SLC35F3: variants seen among roughly 807,000 people sequenced by gnomAD.
The protein encoded by SLC35F3 is solute carrier family 35 member F3, also known as putative thiamine transporter SLC35F3.
In SLC35F3, 25 loss-of-function variants were observed where a neutral mutation model predicts 49.9. The ratio of observed to expected loss-of-function variants is 0.50; its 90% confidence interval spans 0.37 to 0.70. The LOEUF (loss-of-function observed/expected upper bound fraction) is 0.70. Among genes scored for constraint, SLC35F3 ranks in the 30% least tolerant of loss-of-function variants. The pLI, the probability that SLC35F3 is intolerant of heterozygous loss-of-function variation, is 0.00. For missense variants in SLC35F3, 525 were observed against 639.8 expected, an observed-to-expected ratio of 0.82 and a Z score of 1.94; for synonymous variants, 275 against 265.4, an observed-to-expected ratio of 1.04 and a Z score of -0.35.
At chr1:234,098,184 CTG>C (rs1175565716) in intron 2 of SLC35F3, among the ~76,000 whole-genome samples, 12 of 128,760 alleles carry the variant, frequency 9.3e-5, no homozygotes, top group East Asian at 4.8e-4. Context: ...GAGGTGGTGA[CTG>C]TGTTGGTGGT....
intron 2 of SLC35F3, among the ~76,000 whole-genome samples, chr1:234,052,611 T>C (rs1173687612): frequency 6.6e-6 from 1 of 152,186 alleles, no homozygotes; most frequent in African/African-American, 2.4e-5. Context: ...TTGATTTTTT[T>C]GAAGGTTTTT....
At chr1:234,250,328 G>A (rs1667715144) in intron 3 of SLC35F3, among the ~76,000 whole-genome samples, 1 of 152,182 alleles carries the variant, frequency 6.6e-6, no homozygotes, top group African/African-American at 2.4e-5. Context: ...TTGCTATAAA[G>A]GAATACCTGA....
At chr1:234,252,125 G>A (rs1277760648) in intron 3 of SLC35F3, among the ~76,000 whole-genome samples, 1 of 151,788 alleles carries the variant, frequency 6.6e-6, no homozygotes, top group African/African-American at 2.4e-5. Context: ...GCTGGAGTGC[G>A]ATGGCATGAT....
chr1:234,024,850 C>T (rs1663953929), intron 2 of SLC35F3, among the ~76,000 whole-genome samples: 1 of 152,166 alleles, frequency 6.6e-6, no homozygotes, highest in Non-Finnish European at 1.5e-5. Flanking sequence ...TTTGGGGTTA[C>T]ATGTGCAGGT....
intron 3 of SLC35F3, among the ~76,000 whole-genome samples, chr1:234,282,574 C>T (rs1362036357): frequency 6.6e-6 from 1 of 152,218 alleles, no homozygotes; most frequent in Admixed American, 6.5e-5. Flanking sequence ...GTGTGTCTCC[C>T]TCAACCAGCT....
At chr1:234,147,634 G>A (rs1666018121) in intron 2 of SLC35F3, among the ~76,000 whole-genome samples, 1 of 152,208 alleles carries the variant, frequency 6.6e-6, no homozygotes, top group African/African-American at 2.4e-5. Context: ...AGGGCCAAAA[G>A]TCAGCTTAGT....
At position 234,048,657 on chromosome 1, in the gene SLC35F3, C is replaced by T. The variant is rs778011548; in HGVS notation, c.283+142899C>T. Among the ~76,000 whole-genome samples, 63 of 152,392 alleles carry T rather than the reference C, an allele frequency of 4.1e-4. 1 individual carries two copies. The highest frequency in any genetic ancestry group is 5.9e-4 in the Non-Finnish European group (40 of 68,042). Reference sequence around the variant, plus strand: ...ATCACCTGGAGCCTTGGGAGCAATGCCACCTAGTAGCTTGGGGTTGGAACC... The same window carrying T: ...ATCACCTGGAGCCTTGGGAGCAATGTCACCTAGTAGCTTGGGGTTGGAACC... On this transcript the variant is annotated intron_variant, in intron 2 of 7. Transcript: ENST00000366618.
chr1:234,112,429 C>G (rs1665420791), intron 2 of SLC35F3, among the ~76,000 whole-genome samples: 1 of 152,126 alleles, frequency 6.6e-6, no homozygotes, highest in African/African-American at 2.4e-5. Flanking sequence ...CTGTCCTTTT[C>G]TCTCATGTGA....
intron 2 of SLC35F3, among the ~76,000 whole-genome samples, chr1:233,974,174 CTTTTTTTTTTTTTTTTTT>C (rs757673463): frequency 2.4e-5 from 2 of 83,096 alleles, no homozygotes; most frequent in Non-Finnish European, 4.4e-5. Flanking sequence ...ATTTCTATTT[CTTTTTTTTTTTTTTTTTT>C]TTTTTTTTTG....
chr1:234,048,639 G>GGAGCCTTGGAGGTAAGGCTCCCGA (rs11269045), intron 2 of SLC35F3, among the ~76,000 whole-genome samples: 4 of 151,836 alleles, frequency 2.6e-5, no homozygotes, highest in Non-Finnish European at 5.9e-5. Context: ...CGCATCACCT[G>GGAGCCTTGGAGGTAAGGCTCCCGA]GAGCCTTGGG....
chr1:234,250,571 G>A (rs978887261), intron 3 of SLC35F3, among the ~76,000 whole-genome samples: 2 of 149,116 alleles, frequency 1.3e-5, no homozygotes, highest in Admixed American at 6.7e-5. Context: ...GGAGAATGGC[G>A]TGAACCCGGG....
intron 2 of SLC35F3, among the ~76,000 whole-genome samples, chr1:234,051,985 G>C (rs1664384730): frequency 6.6e-6 from 1 of 152,234 alleles, no homozygotes; most frequent in African/African-American, 2.4e-5. Flanking sequence ...TCACAGGGAT[G>C]AAGCCAACTT....
intron 2 of SLC35F3, among the ~76,000 whole-genome samples, chr1:234,065,721 T>G (rs1362644786): frequency 6.6e-6 from 1 of 152,250 alleles, no homozygotes; most frequent in Non-Finnish European, 1.5e-5. Context: ...ATTTCTTGGT[T>G]GACTACACCT....
intron 2 of SLC35F3, among the ~76,000 whole-genome samples, chr1:234,051,951 T>C (rs1351292422): frequency 1.3e-5 from 2 of 152,242 alleles, no homozygotes; most frequent in Admixed American, 6.5e-5. Flanking sequence ...TTTATTGATT[T>C]GCGTATGTTG....
chr1:233,980,851 G>A (rs2102821848), intron 2 of SLC35F3, among the ~76,000 whole-genome samples: 1 of 152,224 alleles, frequency 6.6e-6, no homozygotes, highest in East Asian at 1.9e-4. Context: ...TTGGGCATTT[G>A]GTGACAAGCA....
intron 3 of SLC35F3, among the ~76,000 whole-genome samples, chr1:234,295,011 G>T (rs1437414028): frequency 2.0e-5 from 3 of 152,240 alleles, no homozygotes; most frequent in African/African-American, 7.2e-5. Flanking sequence ...AAGCCCACGG[G>T]GCCTGAGGCA....
chr1:234,157,339 T>G (rs1666169711), intron 2 of SLC35F3, among the ~76,000 whole-genome samples: 2 of 152,146 alleles, frequency 1.3e-5, no homozygotes, highest in Non-Finnish European at 2.9e-5. Context: ...GTGACCCTTT[T>G]AAACATAAGC....
intron 2 of SLC35F3, among the ~76,000 whole-genome samples, chr1:234,039,529 G>A (rs1426878932): frequency 1.3e-5 from 2 of 152,200 alleles, no homozygotes; most frequent in Non-Finnish European, 2.9e-5. Flanking sequence ...GAGTGAGAAA[G>A]TGCAGGGAGG....
intron 2 of SLC35F3, among the ~76,000 whole-genome samples, chr1:234,108,499 T>G (rs1241857259): frequency 1.2e-4 from 13 of 111,326 alleles, no homozygotes; most frequent in African/African-American, 4.7e-4. Context: ...TATATATTAT[T>G]TATATATATA....
Sources: allele counts gnomAD v4.1 joint callset (sites outside exome capture counted in the v4.1 genomes callset), GRCh38; gene constraint gnomAD v4.1.1; transcripts MANE v1.5; gene names NCBI Gene and HGNC (gene_info 2026-07-23, HGNC 2026-07-21).